PARD3B: variants seen among roughly 807,000 people sequenced by gnomAD.
PARD3B encodes the protein partitioning defective 3 homolog B.
A neutral mutation model predicts 130.2 loss-of-function variants in PARD3B; 103 were observed. That is an observed-to-expected ratio of 0.79 (90% CI 0.67 to 0.93). The LOEUF (loss-of-function observed/expected upper bound fraction) is 0.93, where lower values mean the gene tolerates loss of function less well. Ranked by LOEUF, PARD3B falls within the 40% of genes least tolerant of loss-of-function variation. PARD3B has a pLI of 0.00. For synonymous variants in PARD3B, 583 were observed against 553.2 expected, an observed-to-expected ratio of 1.05 and a Z score of -0.76; for missense variants, 1,609 against 1,499.2, an observed-to-expected ratio of 1.07 and a Z score of -1.21.
chr2:204,949,663 A>G (rs1689609054), intron 2 of PARD3B, among the ~76,000 whole-genome samples: 1 of 152,182 alleles, frequency 6.6e-6, no homozygotes, highest in Non-Finnish European at 1.5e-5. Context: ...TTATCATCTG[A>G]CATTAGTGGT....
intron 2 of PARD3B, among the ~76,000 whole-genome samples, chr2:204,858,734 T>C (rs889377101): frequency 6.7e-6 from 1 of 148,996 alleles, no homozygotes; most frequent in Non-Finnish European, 1.5e-5. Flanking sequence ...TCTACAACAG[T>C]AACAGTTTTA....
rs961387171 is a variant in PARD3B, at chr2:205,585,119, C to A, written c.3261-30337C>A. Among the ~76,000 whole-genome samples, 5 of 152,188 alleles carry A rather than the reference C, an allele frequency of 3.3e-5. No individual in the cohort carries two copies. Among genetic ancestry groups the A allele is most frequent in the African/African-American group, 1.2e-4 (5 of 41,444 alleles). ...CGTGAAAATAGATCCTTCGTAACCCCACAGCCTTGGAATGATTGCTCACTC... is the reference window on the plus strand; with the variant it reads ...CGTGAAAATAGATCCTTCGTAACCCAACAGCCTTGGAATGATTGCTCACTC... On this transcript the variant is annotated intron_variant, in intron 22 of 22. Coordinates refer to ENST00000406610, the MANE Select transcript of PARD3B (RefSeq NM_001302769.2). The surrounding 1 kb of genome is among the most constrained non-coding windows in gnomAD (Gnocchi z 5.4).
intron 2 of PARD3B, among the ~76,000 whole-genome samples, chr2:204,808,699 T>C (rs2125517899): frequency 6.6e-6 from 1 of 152,288 alleles, no homozygotes; most frequent in Middle Eastern, 3.4e-3. Context: ...TTCCATGATA[T>C]ACATGTACCA....
chr2:205,336,154 AACCC>A (rs2043308328), intron 18 of PARD3B, among the ~76,000 whole-genome samples: 1 of 152,172 alleles, frequency 6.6e-6, no homozygotes, highest in Admixed American at 6.5e-5. Context: ...GCATCCAGCC[AACCC>A]TTCTCTTTAA....
intron 5 of PARD3B, among the ~76,000 whole-genome samples, chr2:205,107,214 A>T (rs948390244): frequency 4.6e-5 from 7 of 152,188 alleles, no homozygotes; most frequent in Non-Finnish European, 8.8e-5. Context: ...GTTTCCCCTT[A>T]TTCTAATTGA....
chr2:205,162,939 A>G (rs1015219540), intron 11 of PARD3B, among the ~76,000 whole-genome samples: 3 of 152,166 alleles, frequency 2.0e-5, no homozygotes, highest in Non-Finnish European at 4.4e-5. Flanking sequence ...TTCATGTACC[A>G]TATTAACTGA....
chr2:205,144,989 G>A (rs1012192002), intron 10 of PARD3B, among the ~76,000 whole-genome samples: 2 of 152,102 alleles, frequency 1.3e-5, no homozygotes, highest in Non-Finnish European at 2.9e-5. Context: ...CTACATTATA[G>A]CATAATTTAA....
intron 16 of PARD3B, among the ~76,000 whole-genome samples, chr2:205,295,582 A>G (rs963462554): frequency 3.3e-5 from 5 of 152,334 alleles, no homozygotes; most frequent in Non-Finnish European, 7.3e-5. Flanking sequence ...AAAACTTGCC[A>G]TGTATCTGGA....
At chr2:205,057,117 G>A (rs1444247756) in intron 4 of PARD3B, among the ~76,000 whole-genome samples, 1 of 151,216 alleles carries the variant, frequency 6.6e-6, no homozygotes. Flanking sequence ...TTTGTAATTT[G>A]TCCACCGAGG....
chr2:205,217,279 A>G (rs911649039), intron 15 of PARD3B, among the ~76,000 whole-genome samples: 5 of 152,216 alleles, frequency 3.3e-5, no homozygotes, highest in African/African-American at 1.2e-4. Context: ...GCATGTGTGC[A>G]GAAGTGCACA....
intron 22 of PARD3B, among the ~76,000 whole-genome samples, chr2:205,576,208 T>G (rs1487798456): frequency 6.6e-6 from 1 of 152,184 alleles, no homozygotes; most frequent in African/African-American, 2.4e-5. Context: ...TTTGGCCCAT[T>G]TTGTAATTGA....
At chr2:205,113,202 T>C (rs542649808) in intron 5 of PARD3B, among the ~76,000 whole-genome samples, 1 of 152,298 alleles carries the variant, frequency 6.6e-6, no homozygotes, top group South Asian at 2.1e-4. Context: ...AATATGTTGA[T>C]TTATGCAGAT....
At chr2:204,777,612 TA>T (rs1365554687) in intron 2 of PARD3B, among the ~76,000 whole-genome samples, 1 of 151,776 alleles carries the variant, frequency 6.6e-6, no homozygotes, top group Non-Finnish European at 1.5e-5. Context: ...TACAAAAAAT[TA>T]AAAAAATTAG....
At chr2:205,283,679 G>A (rs989262708) in intron 16 of PARD3B, among the ~76,000 whole-genome samples, 1 of 152,130 alleles carries the variant, frequency 6.6e-6, no homozygotes, top group South Asian at 2.1e-4. Flanking sequence ...TTGAATAACA[G>A]TATGTAGAAT....
intron 11 of PARD3B, among the ~76,000 whole-genome samples, chr2:205,165,666 C>T (rs758845063): frequency 6.6e-5 from 10 of 150,888 alleles, no homozygotes; most frequent in East Asian, 2.0e-4. Flanking sequence ...TGCAATGAGC[C>T]GAGATCATAC....
At chr2:204,626,380 T>G (rs1260089862) in intron 1 of PARD3B, among the ~76,000 whole-genome samples, 1 of 152,186 alleles carries the variant, frequency 6.6e-6, no homozygotes, top group Non-Finnish European at 1.5e-5. Context: ...AGAGCCTATT[T>G]TACTGAGAAG....
At chr2:205,002,804 A>C (rs941786332) in intron 3 of PARD3B, among the ~76,000 whole-genome samples, 3 of 152,066 alleles carry the variant, frequency 2.0e-5, no homozygotes, top group African/African-American at 7.2e-5. Context: ...TGGGCGGATT[A>C]TTTTTCTGTT....
chr2:205,520,024 G>T (rs1575231556), intron 21 of PARD3B, among the ~76,000 whole-genome samples: 2 of 152,136 alleles, frequency 1.3e-5, no homozygotes, highest in African/African-American at 2.4e-5. Flanking sequence ...TTCAGTGCTG[G>T]CTGTAGATAA....
intron 2 of PARD3B, among the ~76,000 whole-genome samples, chr2:204,733,022 A>C (rs1319455244): frequency 6.6e-6 from 1 of 152,034 alleles, no homozygotes; most frequent in African/African-American, 2.4e-5. Context: ...AGGGATTCAC[A>C]CAAGGGAGAT....
Sources: allele counts gnomAD v4.1 joint callset (sites outside exome capture counted in the v4.1 genomes callset), GRCh38; gene constraint gnomAD v4.1.1; non-coding constraint Gnocchi (gnomAD v3.1); transcripts MANE v1.5; gene names NCBI Gene and HGNC (gene_info 2026-07-23, HGNC 2026-07-21).